The following CRB1 variants were observed in gnomAD, a reference collection of about 807,000 sequenced individuals.
The protein encoded by CRB1 is protein crumbs homolog 1.
Under a neutral mutation model 120.0 loss-of-function variants are expected in CRB1, and 83 were observed. The ratio of observed to expected loss-of-function variants is 0.69; its 90% CI spans 0.58 to 0.83. The LOEUF is 0.83. Among genes scored for constraint, CRB1 ranks in the 40% least tolerant of loss-of-function variants. The pLI, the probability that CRB1 is intolerant of heterozygous loss-of-function variation, is 0.00. For synonymous variants in CRB1, 625 were observed against 612.5 expected (o/e 1.02, Z -0.30); for missense variants, 1,699 against 1,687.6 (o/e 1.01, Z -0.12).
At chr1:197,458,303 T>C (rs190423290) in intron 11 of CRB1, among the ~76,000 whole-genome samples, 4 of 152,056 alleles carry the variant, frequency 2.6e-5, no homozygotes, top group Admixed American at 6.6e-5. Context: ...TTTAGGGACA[T>C]GGATGAAGAT....
intron 5 of CRB1, among the ~76,000 whole-genome samples, chr1:197,399,399 A>G (rs1662944952): frequency 1.3e-5 from 2 of 152,178 alleles, no homozygotes; most frequent in African/African-American, 4.8e-5. Context: ...GCAGCATTAC[A>G]CTGTTGGAAA....
chr1:197,353,921 T>C (rs1660263609), intron 4 of CRB1, among the ~76,000 whole-genome samples: 1 of 150,116 alleles, frequency 6.7e-6, no homozygotes, highest in African/African-American at 2.4e-5. Flanking sequence ...CCTACTAAAT[T>C]TACATTTTGG....
At chr1:197,402,654 C>A (rs1185754155) in intron 5 of CRB1, among the ~76,000 whole-genome samples, 1 of 152,168 alleles carries the variant, frequency 6.6e-6, no homozygotes, top group Non-Finnish European at 1.5e-5. Context: ...AATTTCTGTT[C>A]TCTAGTCCCT....
At chr1:197,438,168 G>T (rs1195059833) in intron 9 of CRB1, 2 of 289,310 alleles carry the variant, frequency 6.9e-6, no homozygotes, top group Non-Finnish European at 1.3e-5. Flanking sequence ...TGCTGTCCTT[G>T]CTTCCTGGCC....
chr1:197,357,307 T>C (rs1053127915), intron 5 of CRB1: 4 of 437,122 alleles, frequency 9.2e-6, no homozygotes, highest in Non-Finnish European at 1.7e-5. Context: ...ACAGAAAATG[T>C]TGAAATTTTT....
chr1:197,279,526 T>G (rs1454618403), intron 1 of CRB1, among the ~76,000 whole-genome samples: 1 of 151,146 alleles, frequency 6.6e-6, no homozygotes, highest in African/African-American at 2.4e-5. Context: ...TTTTTTTTGT[T>G]TGTTTTCTGG....
intron 2 of CRB1, among the ~76,000 whole-genome samples, chr1:197,341,788 A>G (rs1047024592): frequency 3.3e-5 from 5 of 152,180 alleles, no homozygotes; most frequent in Admixed American, 6.5e-5. Flanking sequence ...CTTTCCACAC[A>G]ATCCTCTTTG....
chr1:197,469,758 G>C (rs1666902185), intron 11 of CRB1, among the ~76,000 whole-genome samples: 1 of 152,130 alleles, frequency 6.6e-6, no homozygotes, highest in African/African-American at 2.4e-5. Flanking sequence ...AATGATAGCT[G>C]GCTCCTGCTT....
At chr1:197,424,551 G>A (rs1032021548) in intron 6 of CRB1, among the ~76,000 whole-genome samples, 2 of 152,076 alleles carry the variant, frequency 1.3e-5, no homozygotes, top group African/African-American at 4.8e-5. Flanking sequence ...AAGATGTGAT[G>A]TCTGTATGTG....
intron 1 of CRB1, among the ~76,000 whole-genome samples, chr1:197,294,472 T>C (rs1032271364): frequency 2.0e-5 from 3 of 152,170 alleles, no homozygotes; most frequent in African/African-American, 7.2e-5. Context: ...TATAAACTAA[T>C]TCAACCGTTG....
chr1:197,217,319 A>G, the CRB1 span, among the ~76,000 whole-genome samples: 3,547 of 152,268 alleles, frequency 0.023, 73 homozygotes, highest in Middle Eastern at 0.034. Flanking sequence ...ATTTTAATCC[A>G]GTGTATATGC....
At chr1:197,350,135 T>C (rs2125338133) in intron 4 of CRB1, among the ~76,000 whole-genome samples, 1 of 151,984 alleles carries the variant, frequency 6.6e-6, no homozygotes, top group South Asian at 2.1e-4. Context: ...CCTGAAAATT[T>C]TCCAAACTAT....
the CRB1 span, among the ~76,000 whole-genome samples, chr1:197,215,308 ACTCTTG>A: frequency 7.6e-6 from 1 of 130,864 alleles, no homozygotes; most frequent in Non-Finnish European, 1.6e-5. Flanking sequence ...ACGCAGTTTC[ACTCTTG>A]TTGCCCAGGC....
chr1:197,247,928 A>G, the CRB1 span, among the ~76,000 whole-genome samples: 1 of 152,078 alleles, frequency 6.6e-6, no homozygotes, highest in African/African-American at 2.4e-5. Flanking sequence ...TTTGGTCAAT[A>G]TTAAATCTAG....
At chr1:197,262,550 T>C in the CRB1 span, among the ~76,000 whole-genome samples, 3 of 152,180 alleles carry the variant, frequency 2.0e-5, no homozygotes, top group Non-Finnish European at 2.9e-5. Context: ...ATTTAACTTT[T>C]AGATACCGGG....
intron 5 of CRB1, among the ~76,000 whole-genome samples, chr1:197,387,012 A>G (rs929768739): frequency 2.0e-5 from 3 of 152,130 alleles, no homozygotes; most frequent in Non-Finnish European, 4.4e-5. Flanking sequence ...AAACATTTAG[A>G]TCACAAGTAG....
At chr1:197,305,709 G>A (rs947212938) in intron 1 of CRB1, among the ~76,000 whole-genome samples, 8 of 151,754 alleles carry the variant, frequency 5.3e-5, no homozygotes, top group Non-Finnish European at 8.8e-5. Flanking sequence ...AATATTAACT[G>A]CACATGAACA....
rs759362929 is a variant in CRB1, at chr1:197,356,954, C to A, written c.1112C>A (p.Ser371Tyr). 1.2e-6 allele frequency: 2 copies of A among 1,614,098 alleles called. No individual in the cohort carries two copies. Among genetic ancestry groups the A allele is most frequent in the African/African-American group, 2.7e-5 (2 of 74,926 alleles). The change falls in exon 5 of 12, where the codon TCT becomes TAT. Residue 371 changes from serine to tyrosine, a missense_variant. Physicochemically the swap from Ser to Tyr is moderately radical, Grantham distance 144. Transcript: ENST00000367400. ...TATGGACGCATCACTGGACTGCCTT[C>A]TTCTTTCAGCTACCATGAAGCCTCA... ...KQYGRITGLP[S>Y]SFSYHEASGY... is the part of the protein sequence containing the mutation.
At chr1:197,477,618 T>A in intron 11 of CRB1, 46 bp from the exon 12 acceptor site, 1 of 1,564,764 alleles carries the variant, frequency 6.4e-7, no homozygotes, top group Non-Finnish European at 8.8e-7. Context: ...AATATTTATT[T>A]GCCTTTGCTA....
Sources: gnomAD v4.1 joint callset for allele counts (sites outside exome capture counted in the v4.1 genomes callset) on GRCh38, gnomAD v4.1.1 for gene constraint, MANE v1.5 for transcripts, NCBI Gene and HGNC (gene_info 2026-07-23, HGNC 2026-07-21) for gene names.